The following SCN7A variants were observed in gnomAD, a reference collection of about 807,000 sequenced individuals.
SCN7A encodes sodium channel protein type 7 subunit alpha.
Under a neutral mutation model 155.2 loss-of-function variants are expected in SCN7A, and 138 were observed. That is an observed-to-expected ratio of 0.89 (90% CI 0.77 to 1.02). SCN7A has a LOEUF of 1.02. Ranked by LOEUF, SCN7A falls within the 50% of genes least tolerant of loss-of-function variation. The pLI is 0.00. For missense variants in SCN7A, 2,058 were observed against 1,986.6 expected (o/e 1.04, Z -0.68); for synonymous variants, 693 against 649.0 (o/e 1.07, Z -1.03).
At chr2:166,449,522 T>G (rs1193397780) in intron 11 of SCN7A, among the ~76,000 whole-genome samples, 1 of 152,118 alleles carries the variant, frequency 6.6e-6, no homozygotes, top group African/African-American at 2.4e-5. Context: ...TCACAAATAC[T>G]AGAGCTAGAG....
At chr2:166,467,822 T>A (rs1190698960) in intron 7 of SCN7A, among the ~76,000 whole-genome samples, 5 of 151,858 alleles carry the variant, frequency 3.3e-5, no homozygotes, top group African/African-American at 4.8e-5. Context: ...TTAAAGTCTC[T>A]GCCTTGATAA....
At chr2:166,439,820 G>C (rs758035925) in intron 15 of SCN7A, among the ~76,000 whole-genome samples, 4 of 152,264 alleles carry the variant, frequency 2.6e-5, no homozygotes, top group Non-Finnish European at 5.9e-5. Context: ...AGATAGAGAA[G>C]TACACTAACA....
chr2:166,458,403 A>G (rs1417028487), intron 10 of SCN7A, among the ~76,000 whole-genome samples: 1 of 151,940 alleles, frequency 6.6e-6, no homozygotes, highest in Non-Finnish European at 1.5e-5. Context: ...CATGGGTTCC[A>G]TATCTGTGGA....
intron 11 of SCN7A, among the ~76,000 whole-genome samples, chr2:166,455,311 C>T (rs1702250495): frequency 6.6e-6 from 1 of 151,864 alleles, no homozygotes; most frequent in South Asian, 2.1e-4. Context: ...AGGCAATGTA[C>T]TCCAAGACCT....
intron 2 of SCN7A, among the ~76,000 whole-genome samples, chr2:166,483,568 G>T (rs1702979414): frequency 6.6e-6 from 1 of 151,462 alleles, no homozygotes; most frequent in African/African-American, 2.4e-5. Context: ...ATTCTAGATG[G>T]CTCAACTATT....
Position 166,423,412 on chromosome 2 carries a change from C to A in SCN7A, c.2874G>T (p.Met958Ile), listed in dbSNP as rs6738031. The A allele has an allele frequency of 0.7, 1,100,954 of 1,574,744 alleles. 387,363 individuals carry two copies. The highest frequency in any genetic ancestry group is 0.93 in the African/African-American group (67,968 of 72,826). Residue 958 changes from methionine to isoleucine, a missense_variant, in exon 19 of 26, where the codon ATG becomes ATT. Coordinates refer to ENST00000643258, the MANE Select transcript of SCN7A (RefSeq NM_002976.4). ...TGTLAFEDIY[M>I]DQRKTIKILL... ...AAATTTTAATTGTCTTTCTCTGATCCATATATATATCTTCAAAAGCCTGTG... is the reference window on the plus strand; with the variant it reads ...AAATTTTAATTGTCTTTCTCTGATCAATATATATATCTTCAAAAGCCTGTG...
chr2:166,465,596 A>T lies in SCN7A; in HGVS notation c.872-65T>A. 4 of 1,324,152 alleles carry T rather than the reference A, an allele frequency of 3.0e-6. 1 individual carries two copies. The highest frequency in any genetic ancestry group is 2.4e-5 in the East Asian group (1 of 41,142). The allele number at this position is 1,324,152 out of a possible 1,614,324, so 82.0% of individuals were successfully genotyped here. A position where few individuals can be genotyped will look rare whatever the true frequency, so the allele number is the denominator to read the frequency against. On this transcript the variant is annotated intron_variant, in intron 8 of 25. Coordinates refer to ENST00000643258, the MANE Select transcript of SCN7A (RefSeq NM_002976.4). ...TGAGTTAGCACCACAGTAGAAGTCC[A>T]TTTGGATCTCTGCAGAAGCTAAAAT...
At chr2:166,451,334 A>G (rs1210833256) in intron 11 of SCN7A, among the ~76,000 whole-genome samples, 2 of 152,212 alleles carry the variant, frequency 1.3e-5, no homozygotes, top group East Asian at 1.9e-4. Context: ...ATGCCCACAC[A>G]TTGGTCAAAT....
chr2:166,448,286 C>A (rs1246097022), intron 11 of SCN7A, among the ~76,000 whole-genome samples: 1 of 152,094 alleles, frequency 6.6e-6, no homozygotes, highest in East Asian at 1.9e-4. Flanking sequence ...AATGACAAGA[C>A]TTTATTCTTT....
In SCN7A at chr2:166,432,510, G is replaced by A; in HGVS notation, c.2400C>T (p.Asn800=). The change falls in exon 16 of 26, where the codon AAC becomes AAT. Residue 800 remains asparagine, a synonymous_variant. Coordinates refer to ENST00000643258, the MANE Select transcript of SCN7A (RefSeq NM_002976.4). Reference sequence around the variant, plus strand: ...CCTTATCTTTGAGAAAATCTTGGGTGTTGCTCAATTCAGAAAGGGTATGGT... The same window carrying A: ...CCTTATCTTTGAGAAAATCTTGGGTATTGCTCAATTCAGAAAGGGTATGGT... The part of the protein sequence containing the change: ...ISDHTLSELS[N]TQDFLKDKEK... The A allele has an allele frequency of 2.5e-6, 4 of 1,613,588 alleles. No homozygotes were observed. The highest frequency in any genetic ancestry group is 3.4e-6 in the Non-Finnish European group (4 of 1,179,672).
intron 11 of SCN7A, among the ~76,000 whole-genome samples, chr2:166,449,906 A>G (rs1261724214): frequency 6.6e-6 from 1 of 152,186 alleles, no homozygotes; most frequent in African/African-American, 2.4e-5. Flanking sequence ...AGCAGTTTGG[A>G]TATTTCTCAA....
intron 6 of SCN7A, among the ~76,000 whole-genome samples, chr2:166,471,727 G>T (rs902552923): frequency 0.029 from 746 of 25,716 alleles, 5 homozygotes; most frequent in African/African-American, 0.08. Flanking sequence ...AGAAAATGTG[G>T]GGGGGGGGGT....
At position 166,443,519 on chromosome 2, in the gene SCN7A, A is replaced by T. The variant is rs773312426; in HGVS notation, c.1784T>A (p.Leu595His). The change falls in exon 14 of 26, where the codon CTT becomes CAT. Residue 595 changes from leucine (L) to histidine (H), a missense_variant. Physicochemically the swap from Leu to His is moderately conservative, Grantham distance 99. Coordinates refer to ENST00000643258, the MANE Select transcript of SCN7A (RefSeq NM_002976.4). ...TCTACTTACCATCCTGAATAATCGA[A>T]GAAGAGCCATTCCTGCAACATTTGC... ...CLANVAGMAL[L>H]RLFRMLRIFK... 28 of 1,594,558 alleles carry T rather than the reference A, an allele frequency of 1.8e-5. No homozygotes were observed. The South Asian group carries it at 2.8e-4, about 16-fold the overall frequency.
chr2:166,478,899 C>A (rs1367266163), intron 2 of SCN7A, among the ~76,000 whole-genome samples: 1 of 151,898 alleles, frequency 6.6e-6, no homozygotes. Flanking sequence ...GAACCTGGTT[C>A]TTTTTTCACA....
chr2:166,463,969 T>C (rs1702468883), intron 9 of SCN7A, among the ~76,000 whole-genome samples: 1 of 151,856 alleles, frequency 6.6e-6, no homozygotes, highest in Admixed American at 6.6e-5. Flanking sequence ...GGCACTAGAA[T>C]TGCTTGAACC....
intron 15 of SCN7A, among the ~76,000 whole-genome samples, chr2:166,439,055 G>GTGTATATATATATATATATA (rs375208870): frequency 1.3e-4 from 15 of 113,402 alleles, no homozygotes; most frequent in African/African-American, 3.8e-4. Flanking sequence ...GTGTGTGTGT[G>GTGTATATATATATATATATA]TATATATATA....
At chr2:166,439,055 G>GTATATATATATATATATATATA (rs66783423) in intron 15 of SCN7A, among the ~76,000 whole-genome samples, 5 of 113,408 alleles carry the variant, frequency 4.4e-5, no homozygotes, top group African/African-American at 1.9e-4. Flanking sequence ...GTGTGTGTGT[G>GTATATATATATATATATATATA]TATATATATA....
chr2:166,419,569 G>A (rs1701467153), intron 20 of SCN7A, among the ~76,000 whole-genome samples: 1 of 151,896 alleles, frequency 6.6e-6, no homozygotes, highest in Non-Finnish European at 1.5e-5. Flanking sequence ...GTCTTACTGT[G>A]TTACCCGGGC....
chr2:166,471,731 G>C (rs985239231), intron 6 of SCN7A, among the ~76,000 whole-genome samples: 6 of 150,280 alleles, frequency 4.0e-5, no homozygotes, highest in Middle Eastern at 3.4e-3. Flanking sequence ...AATGTGGGGG[G>C]GGGGGTGGTG....
Sources: gnomAD v4.1 joint callset for allele counts (sites outside exome capture counted in the v4.1 genomes callset) on GRCh38, gnomAD v4.1.1 for gene constraint, MANE v1.5 for transcripts, NCBI Gene and HGNC (gene_info 2026-07-23, HGNC 2026-07-21) for gene names.